SF3B2: variants seen among roughly 807,000 people sequenced by gnomAD.
SF3B2 encodes SAP 145.
A neutral mutation model predicts 116.3 loss-of-function variants in SF3B2; 22 were observed. The observed-to-expected ratio is 0.19, with a 90% CI of 0.14 to 0.27. The LOEUF (loss-of-function observed/expected upper bound fraction) is 0.27. Ranked by LOEUF, SF3B2 falls within the 10% of genes least tolerant of loss-of-function variation. SF3B2 has a pLI of 1.00. For missense variants in SF3B2, 767 were observed against 1,151.4 expected (o/e 0.67, Z 4.83); for synonymous variants, 406 against 421.6 (o/e 0.96, Z 0.45).
At chr11:66,055,393 C>T in intron 4 of SF3B2, 78 bp downstream of exon 4, 2 of 1,590,604 alleles carry the variant, frequency 1.3e-6, no homozygotes, top group East Asian at 2.2e-5. Flanking sequence ...AAGCTGGGTC[C>T]TAGAACTAAG....
At chr11:66,062,152 G>A (rs960349734) in intron 16 of SF3B2, among the ~76,000 whole-genome samples, 154 bp downstream of exon 16, 5 of 152,118 alleles carry the variant, frequency 3.3e-5, no homozygotes, top group African/African-American at 9.7e-5. Context: ...ATGTGTATGT[G>A]TAGAAAAACA....
chr11:66,053,174 G>C, intron 3 of SF3B2, 70 bp downstream of exon 3: 3 of 1,411,502 alleles, frequency 2.1e-6, no homozygotes, highest in Non-Finnish European at 3.0e-6. Context: ...CATGATGATT[G>C]GGTGTTCACG....
intron 6 of SF3B2, 96 bp downstream of exon 6, chr11:66,057,051 A>G (rs1857010938): frequency 3.3e-6 from 3 of 917,920 alleles, no homozygotes; most frequent in Non-Finnish European, 1.8e-6. Context: ...AAGGGCATAT[A>G]TAGTAAATAT....
At chr11:66,053,200 T>C in intron 3 of SF3B2, 96 bp downstream of exon 3, 3 of 1,171,972 alleles carry the variant, frequency 2.6e-6, no homozygotes, top group Non-Finnish European at 3.9e-6. Context: ...GTGTGAGATG[T>C]GACACCCTTG....
At chr11:66,055,654 G>A (rs1367761708) in intron 5 of SF3B2, 69 bp downstream of exon 5, 3 of 1,418,738 alleles carry the variant, frequency 2.1e-6, no homozygotes, top group Non-Finnish European at 3.0e-6. Flanking sequence ...AGTGCTTAGA[G>A]TGCACCATTC....
chr11:66,059,812 C>T lies in SF3B2; in HGVS notation c.1432C>T (p.His478Tyr). The T allele has an allele frequency of 6.2e-7, 1 of 1,614,228 alleles. No individual in the cohort carries two copies. Among genetic ancestry groups the T allele is most frequent in the Non-Finnish European group, 8.5e-7 (1 of 1,180,046 alleles). ...LVARPDVVEMHDVTAQDPKLL... is the reference protein window; with the variant it reads ...LVARPDVVEMYDVTAQDPKLL... ...GGCTCGGCCCGATGTCGTGGAGATG[C>T]ACGATGTGACAGCGCAGGACCCTAA... The change falls in exon 13 of 22, where the codon CAC becomes TAC. Residue 478 changes from histidine (H) to tyrosine (Y), a missense_variant. His to Tyr is a moderately conservative substitution (Grantham distance 83). This residue lies in a region of SF3B2 where 282 missense variants were observed against 568.0 expected (regional missense o/e 0.50). Coordinates refer to ENST00000322535, the MANE Select transcript of SF3B2 (RefSeq NM_006842.3). The surrounding 1 kb of genome is among the most constrained non-coding windows in gnomAD (Gnocchi z 5.0).
chr11:66,068,793 G>C lies in SF3B2; in HGVS notation c.*48G>C. On this transcript the variant is annotated 3_prime_UTR_variant, in exon 22 of 22. Transcript: ENST00000322535. ...TTTGGCCCTACGTCTGGATGCCTGGGCTTCACACAAGAACCACCTCTCCCG... is the reference window on the plus strand; with the variant it reads ...TTTGGCCCTACGTCTGGATGCCTGGCCTTCACACAAGAACCACCTCTCCCG... The C allele has an allele frequency of 6.9e-7, 1 of 1,459,664 alleles. No homozygotes were observed. Among genetic ancestry groups the C allele is most frequent in the Non-Finnish European group, 9.6e-7 (1 of 1,043,116 alleles). The allele number at this position is 1,459,664 out of a possible 1,614,324, so 90.4% of individuals were successfully genotyped here. A position where few individuals can be genotyped will look rare whatever the true frequency, so the allele number is the denominator to read the frequency against.
rs1335304233 is a variant in SF3B2 at position 66,058,863 on chromosome 11, A to G, written c.1000A>G (p.Lys334Glu). The change falls in exon 10 of 22, where the codon AAA becomes GAA. Residue 334 changes from lysine to glutamate, a missense_variant. Transcript: ENST00000322535. ...NRKRRNRKKK[K>E]KPQRVRGVSS... The stretch of plus-strand genomic sequence containing the variant: ...GAAGCGTAGGAACCGAAAGAAGAAG[A>G]AAAAGCCCCAGCGGGTGCGAGGGGT... The G allele has an allele frequency of 8.1e-6, 13 of 1,612,446 alleles. No individual in the cohort carries two copies. The highest frequency in any genetic ancestry group is 1.1e-5 in the Non-Finnish European group (13 of 1,179,652).
Position 66,052,451 on chromosome 11 carries a change from C to T in SF3B2, c.67C>T (p.His23Tyr), listed in dbSNP as rs1159237671. 1.9e-6 allele frequency: 3 copies of T among 1,613,728 alleles called. No homozygotes were observed. Among genetic ancestry groups the T allele is most frequent in the Non-Finnish European group, 2.5e-6 (3 of 1,179,932 alleles). Reference protein sequence around the residue: ...LQLPPPPPPGHYGAWAAQELQ... With the variant: ...LQLPPPPPPGYYGAWAAQELQ... ...GCTGCCGCCGCCGCCACCTCCAGGC[C>T]ACTATGGCGCCTGGGCTGCCCAGGA... Residue 23 changes from histidine to tyrosine, a missense_variant, in exon 1 of 22, where the codon CAC (histidine) becomes TAC (tyrosine). By Grantham distance (83) the His-to-Tyr change is moderately conservative. This residue lies in a region of SF3B2 where 455 missense variants were observed against 537.5 expected (regional missense o/e 0.85). Transcript: ENST00000322535.
rs756152351 is a variant in SF3B2, at chr11:66,068,762, C to G, written c.*17C>G. On this transcript the variant is annotated 3_prime_UTR_variant, in exon 22 of 22. Transcript: ENST00000322535. The stretch of plus-strand genomic sequence containing the variant: ...AAGTTTTAGGTCCCCTCACACTAGC[C>G]CTTTTTTTGGCCCTACGTCTGGATG... The G allele has an allele frequency of 6.2e-7, 1 of 1,610,422 alleles. No individual in the cohort carries two copies. The highest frequency in any genetic ancestry group is 8.5e-7 in the Non-Finnish European group (1 of 1,177,014).
intron 21 of SF3B2, 50 bp downstream of exon 21, chr11:66,068,383 C>T (rs1857225490): frequency 6.6e-7 from 1 of 1,518,766 alleles, no homozygotes; most frequent in African/African-American, 1.4e-5. Flanking sequence ...GGACCCTGGC[C>T]TGCCGTTTTC....
At chr11:66,054,506 A>G (rs1425967194) in intron 3 of SF3B2, among the ~76,000 whole-genome samples, 1 of 150,678 alleles carries the variant, frequency 6.6e-6, no homozygotes, top group African/African-American at 2.4e-5. Context: ...CAGCTTGAAT[A>G]CAAGGAAGAC....
Position 66,055,139 on chromosome 11 carries a change from C to A in SF3B2, c.322C>A (p.Pro108Thr). 3 of 1,578,264 alleles carry A rather than the reference C, an allele frequency of 1.9e-6. No individual in the cohort carries two copies. Among genetic ancestry groups the A allele is most frequent in the Non-Finnish European group, 2.6e-6 (3 of 1,157,262 alleles). Residue 108 changes from proline (P) to threonine (T), a missense_variant, in exon 4 of 22, where the codon CCC (proline) becomes ACC (threonine). Physicochemically the swap from Pro to Thr is conservative, Grantham distance 38. This residue lies in a region of SF3B2 where 455 missense variants were observed against 537.5 expected (regional missense o/e 0.85). Transcript: ENST00000322535. ...GLPPLQPPPP[P>T]PPPPPGLGLG... ...CCCCCCTCTGCAGCCTCCTCCGCCACCCCCACCACCTCCACCAGGCCTTGG... is the reference window on the plus strand; with the variant it reads ...CCCCCCTCTGCAGCCTCCTCCGCCAACCCCACCACCTCCACCAGGCCTTGG...
chr11:66,054,043 G>C (rs1334602268), intron 3 of SF3B2: 1 of 152,134 alleles, frequency 6.6e-6, no homozygotes, highest in Non-Finnish European at 1.5e-5. Flanking sequence ...TTAGCTGGGC[G>C]TGGTAGCACA....
At position 66,055,204 on chromosome 11, in the gene SF3B2, C is replaced by T; in HGVS notation, c.387C>T (p.Pro129=). ...FPMAHPPNLG[P]PPPLRVGEPV... ...TGGCCCACCCACCAAATTTGGGGCC[C>T]CCGCCTCCTCTCCGTGTGGGTGAGC... Residue 129 remains proline (P), a synonymous_variant, in exon 4 of 22, where the codon CCC becomes CCT. Transcript: ENST00000322535. 6.2e-7 allele frequency: 1 copy of T among 1,612,976 alleles called. No individual in the cohort carries two copies.
At chr11:66,055,743 GA>G (rs1262453109) in intron 5 of SF3B2, 158 bp downstream of exon 5, 1 of 653,948 alleles carries the variant, frequency 1.5e-6, no homozygotes, top group African/African-American at 1.8e-5. Flanking sequence ...TGAAGTTCAG[GA>G]ATTGACAAAC....
At chr11:66,063,373 G>A in intron 17 of SF3B2, 27 bp from the exon 18 acceptor site, 1 of 1,592,570 alleles carries the variant, frequency 6.3e-7, no homozygotes, top group Non-Finnish European at 8.6e-7. Flanking sequence ...GAAAACATTT[G>A]TTGAATGATA....
chr11:66,059,249 G>C lies in SF3B2; in HGVS notation c.1231G>C (p.Asp411His), dbSNP rs770588556. The part of the protein sequence containing the change: ...KEKEKEPEKL[D>H]KLENSAAPKK... ...GAAAGAGAAGGAGCCAGAGAAACTT[G>C]ACAAACTGGAGAACTCTGCAGCCCC... The change falls in exon 11 of 22, where the codon GAC (aspartate) becomes CAC (histidine). Residue 411 changes from aspartate (D) to histidine (H), a missense_variant. By Grantham distance (81) the Asp-to-His change is moderately conservative. Coordinates refer to ENST00000322535, the MANE Select transcript of SF3B2 (RefSeq NM_006842.3). This position sits in a 1 kb window ranked among gnomAD's most constrained non-coding sequence, Gnocchi z 5.0. 61 of 1,613,956 alleles carry C rather than the reference G, an allele frequency of 3.8e-5. No homozygotes were observed. The South Asian group carries it at 5.2e-4, about 14-fold the overall frequency.
At position 66,067,778 on chromosome 11, in the gene SF3B2, C is replaced by T. The variant is rs1035798147; in HGVS notation, c.2331-168C>T. The T allele has an allele frequency of 9.8e-6, 6 of 614,096 alleles. No homozygotes were observed. In the Admixed American group the frequency reaches 1.2e-4, roughly 12 times the overall value. The allele number at this position is 614,096 out of a possible 1,614,324, so 38.0% of individuals were successfully genotyped here. A position where few individuals can be genotyped will look rare whatever the true frequency, so the allele number is the denominator to read the frequency against. On this transcript the variant is annotated intron_variant, in intron 19 of 21. Transcript: ENST00000322535. ...CCTGGAGTCAGCACTGTGCCACCCCCCCGCCCAATTCTTTTCTGTCATGGG... is the reference window on the plus strand; with the variant it reads ...CCTGGAGTCAGCACTGTGCCACCCCTCCGCCCAATTCTTTTCTGTCATGGG...
Sources: gnomAD v4.1 joint callset for allele counts (sites outside exome capture counted in the v4.1 genomes callset) on GRCh38, gnomAD v4.1.1 for gene constraint, gnomAD v4.1.1 regional missense constraint, Gnocchi (gnomAD v3.1) non-coding constraint, MANE v1.5 for transcripts, NCBI Gene and HGNC (gene_info 2026-07-23, HGNC 2026-07-21) for gene names.